The following CEMIP variants were observed in gnomAD, a reference collection of about 807,000 sequenced individuals.
The protein encoded by CEMIP is cell migration inducing hyaluronidase 1.
A neutral mutation model predicts 156.9 loss-of-function variants in CEMIP; 105 were observed. That is an observed-to-expected ratio of 0.67 (90% CI 0.57 to 0.79). The LOEUF (loss-of-function observed/expected upper bound fraction) is 0.79. CEMIP is among the 30% of genes least tolerant of loss of function. The probability of loss-of-function intolerance (pLI) is 0.00; values close to 1 mark genes in which losing one functional copy is unlikely to be tolerated. For synonymous variants in CEMIP, 676 were observed against 668.4 expected (o/e 1.01, Z -0.17); for missense variants, 1,457 against 1,769.4 (o/e 0.82, Z 3.17).
chr15:80,864,617 AG>A (rs939178258), intron 1 of CEMIP, among the ~76,000 whole-genome samples: 2 of 152,228 alleles, frequency 1.3e-5, no homozygotes, highest in Non-Finnish European at 2.9e-5. Flanking sequence ...CTGAGCGGAC[AG>A]AGGCTTAGAT....
intron 3 of CEMIP, among the ~76,000 whole-genome samples, chr15:80,875,840 A>G (rs939279823): frequency 6.6e-6 from 1 of 152,090 alleles, no homozygotes; most frequent in African/African-American, 2.4e-5. Context: ...CTTCACCGAG[A>G]GGAAAATGTC....
At chr15:80,924,484 C>T (rs1202356865) in intron 17 of CEMIP, 137 bp from the exon 18 acceptor site, 1 of 761,570 alleles carries the variant, frequency 1.3e-6, no homozygotes, top group African/African-American at 1.7e-5. Context: ...TGTAGATCCT[C>T]TACTTCTGTT....
intron 14 of CEMIP, among the ~76,000 whole-genome samples, chr15:80,910,098 C>T (rs772691975): frequency 8.5e-5 from 13 of 152,268 alleles, no homozygotes; most frequent in Non-Finnish European, 1.3e-4. Flanking sequence ...AAGCTGAATC[C>T]AGCTACACGA....
intron 1 of CEMIP, among the ~76,000 whole-genome samples, chr15:80,816,408 C>G (rs752640686): frequency 1.3e-5 from 2 of 152,306 alleles, no homozygotes; most frequent in East Asian, 3.9e-4. Context: ...CTGCTTCCTA[C>G]TCCAGGGCCT....
chr15:80,844,411 G>T (rs182543582), intron 1 of CEMIP, among the ~76,000 whole-genome samples: 1 of 152,348 alleles, frequency 6.6e-6, no homozygotes, highest in Admixed American at 6.5e-5. Context: ...GGGGGCAGGA[G>T]GGGGTGGAAA....
chr15:80,934,915 C>T (rs181686699), intron 23 of CEMIP, among the ~76,000 whole-genome samples: 18 of 152,222 alleles, frequency 1.2e-4, no homozygotes, highest in African/African-American at 4.1e-4. Context: ...AAAGTAACCT[C>T]CAGAGAGCGA....
chr15:80,836,517 G>T (rs916146928), intron 1 of CEMIP, among the ~76,000 whole-genome samples: 1 of 152,172 alleles, frequency 6.6e-6, no homozygotes. Flanking sequence ...CACACATTCC[G>T]TAAAAAACAG....
intron 19 of CEMIP, among the ~76,000 whole-genome samples, chr15:80,926,145 A>G (rs1260117963): frequency 6.6e-6 from 1 of 152,198 alleles, no homozygotes; most frequent in Admixed American, 6.5e-5. Flanking sequence ...CAAACATATA[A>G]ATTATGATCT....
At position 80,906,792 on chromosome 15, in the gene CEMIP, A is replaced by G; in HGVS notation, c.1541A>G (p.His514Arg). ...MEDKCYPYRN[H>R]ICNFFDFDTF... is the part of the protein sequence containing the mutation. ...GACAAATGCTACCCCTACAGAAACC[A>G]CATCTGCAATTTCTTTGACTTCGAT... Residue 514 changes from histidine (H) to arginine (R), a missense_variant, in exon 13 of 30, where the codon CAC (histidine) becomes CGC (arginine). This residue lies in a region of CEMIP where 280 missense variants were observed against 300.3 expected (regional missense o/e 0.93). Coordinates refer to ENST00000394685, the MANE Select transcript of CEMIP (RefSeq NM_001293298.2). This position sits in a 1 kb window ranked among gnomAD's most constrained non-coding sequence, Gnocchi z 4.3. 2 of 1,614,192 alleles carry G rather than the reference A, an allele frequency of 1.2e-6. No individual in the cohort carries two copies. Among genetic ancestry groups the G allele is most frequent in the Non-Finnish European group, 1.7e-6 (2 of 1,180,012 alleles).
intron 15 of CEMIP, 102 bp downstream of exon 15, chr15:80,920,401 G>A (rs886283053): frequency 1.8e-6 from 2 of 1,115,302 alleles, no homozygotes; most frequent in Admixed American, 2.3e-5. Flanking sequence ...TGCACTTCGG[G>A]GCTCTGAGGA....
At chr15:80,781,705 T>C (rs1292108723) in intron 1 of CEMIP, among the ~76,000 whole-genome samples, 1 of 152,214 alleles carries the variant, frequency 6.6e-6, no homozygotes, top group African/African-American at 2.4e-5. Flanking sequence ...GGAAAGTTGC[T>C]CAAATGTTTT....
intron 1 of CEMIP, among the ~76,000 whole-genome samples, chr15:80,850,056 G>A (rs2141733015): frequency 6.6e-6 from 1 of 152,320 alleles, no homozygotes; most frequent in African/African-American, 2.4e-5. Flanking sequence ...TGTTTGGGAA[G>A]GTTCCATTGG....
chr15:80,886,125 G>A (rs1415773592), intron 7 of CEMIP, among the ~76,000 whole-genome samples: 1 of 152,218 alleles, frequency 6.6e-6, no homozygotes, highest in African/African-American at 2.4e-5. Context: ...GACGGGGCAT[G>A]AGAGAGCAAG....
intron 1 of CEMIP, among the ~76,000 whole-genome samples, chr15:80,797,036 A>G (rs916427208): frequency 1.1e-4 from 16 of 152,128 alleles, no homozygotes; most frequent in African/African-American, 3.9e-4. Context: ...ATGAAGCTGG[A>G]TGTGGAGAGA....
chr15:80,878,656 C>T (rs995522370), intron 3 of CEMIP, 65 bp from the exon 4 acceptor site: 1 of 1,608,842 alleles, frequency 6.2e-7, no homozygotes, highest in Non-Finnish European at 8.5e-7. Context: ...CCCCTTTTGG[C>T]CTGTAGCATT....
chr15:80,805,020 G>A (rs142555898), intron 1 of CEMIP, among the ~76,000 whole-genome samples: 4 of 152,272 alleles, frequency 2.6e-5, no homozygotes, highest in Middle Eastern at 3.4e-3. Flanking sequence ...GGAACTGCAC[G>A]TTTTCCCCTT....
intron 7 of CEMIP, among the ~76,000 whole-genome samples, chr15:80,885,001 C>G (rs564482896): frequency 4.5e-4 from 69 of 152,258 alleles, no homozygotes; most frequent in Middle Eastern, 3.4e-3. Context: ...GTTTGCTGCA[C>G]CTATCAACCT....
intron 3 of CEMIP, among the ~76,000 whole-genome samples, 179 bp from the exon 4 acceptor site, chr15:80,878,542 C>A (rs1016111913): frequency 6.6e-6 from 1 of 152,204 alleles, no homozygotes; most frequent in Non-Finnish European, 1.5e-5. Context: ...TATGACTGGT[C>A]CCCATGGTTC....
chr15:80,866,947 C>T (rs1567074876), intron 1 of CEMIP, among the ~76,000 whole-genome samples: 1 of 152,054 alleles, frequency 6.6e-6, no homozygotes, highest in Non-Finnish European at 1.5e-5. Context: ...AGCAGAGTGA[C>T]AGAGAAGATG....
Sources: allele counts gnomAD v4.1 joint callset (sites outside exome capture counted in the v4.1 genomes callset), GRCh38; gene constraint gnomAD v4.1.1; regional missense constraint gnomAD v4.1.1; non-coding constraint Gnocchi (gnomAD v3.1); transcripts MANE v1.5; gene names NCBI Gene and HGNC (gene_info 2026-07-23, HGNC 2026-07-21).